Variants in SEMA3C observed in about 807,000 individuals in gnomAD.
SEMA3C encodes the protein semaphorin 3C.
SEMA3C carries 47 observed loss-of-function variants against 89.4 expected under a neutral mutation model. The ratio of observed to expected loss-of-function variants is 0.53; its 90% CI spans 0.42 to 0.67. SEMA3C has a LOEUF of 0.67. Ranked by LOEUF, SEMA3C falls within the 30% of genes least tolerant of loss-of-function variation. The probability of loss-of-function intolerance (pLI) is 0.00; values close to 1 mark genes in which losing one functional copy is unlikely to be tolerated. For synonymous variants in SEMA3C, 310 were observed against 320.2 expected, an observed-to-expected ratio of 0.97 and a Z score of 0.34; for missense variants, 839 against 929.1, an observed-to-expected ratio of 0.90 and a Z score of 1.26.
chr7:80,878,899 G>T (rs1158084521), intron 2 of SEMA3C, among the ~76,000 whole-genome samples: 1 of 152,030 alleles, frequency 6.6e-6, no homozygotes, highest in African/African-American at 2.4e-5. Context: ...TTGTTATAGA[G>T]GTAGGAAATG....
chr7:80,857,824 T>G (rs2115971953), intron 2 of SEMA3C, among the ~76,000 whole-genome samples: 1 of 152,246 alleles, frequency 6.6e-6, no homozygotes, highest in Admixed American at 6.5e-5. Context: ...ACCAAGAATT[T>G]TTACTAGCTC....
At chr7:80,810,522 C>A in intron 6 of SEMA3C, 89 bp downstream of exon 6, 3 of 945,912 alleles carry the variant, frequency 3.2e-6, no homozygotes, top group Non-Finnish European at 5.0e-6. Context: ...TACTATCATC[C>A]ACACAACCAT....
chr7:80,744,847 A>C lies in SEMA3C; in HGVS notation c.*47T>G. ...TCTTTGCTCAAAATTTGATCATTGA[A>C]GACAGAGCATTTGTTAATGGAAGCA... is the stretch of plus-strand genomic sequence containing the variant. On this transcript the variant is annotated 3_prime_UTR_variant, in exon 18 of 18. Coordinates refer to ENST00000265361, the MANE Select transcript of SEMA3C (RefSeq NM_006379.5). The C allele has an allele frequency of 6.2e-7, 1 of 1,601,696 alleles. No individual in the cohort carries two copies. The highest frequency in any genetic ancestry group is 8.5e-7 in the Non-Finnish European group (1 of 1,170,116).
At chr7:80,888,931 T>A (rs915271402) in intron 2 of SEMA3C, among the ~76,000 whole-genome samples, 45 of 152,318 alleles carry the variant, frequency 3.0e-4, no homozygotes, top group African/African-American at 9.9e-4. Context: ...GGGCGCGATC[T>A]CTGCTCACTG....
At chr7:80,843,566 T>A (rs866973661) in intron 2 of SEMA3C, among the ~76,000 whole-genome samples, 6 of 152,120 alleles carry the variant, frequency 3.9e-5, no homozygotes, top group Non-Finnish European at 7.4e-5. Flanking sequence ...ATTGTGCTAA[T>A]TGAATGAGAA....
At chr7:80,920,718 G>T (rs931167107), upstream of SEMA3C, among the ~76,000 whole-genome samples, 9 of 152,198 alleles carry the variant, frequency 5.9e-5, no homozygotes, top group African/African-American at 1.4e-4. Flanking sequence ...TGATGCGTGA[G>T]AAGATCCTTG....
At chr7:80,835,683 T>A (rs1030429558) in intron 2 of SEMA3C, among the ~76,000 whole-genome samples, 1 of 152,302 alleles carries the variant, frequency 6.6e-6, no homozygotes, top group East Asian at 1.9e-4. Flanking sequence ...CCAGAGGGCA[T>A]GTTATTAAAA....
chr7:80,808,658 C>T (rs1027458723), intron 6 of SEMA3C, among the ~76,000 whole-genome samples: 7 of 151,970 alleles, frequency 4.6e-5, no homozygotes, highest in Non-Finnish European at 2.9e-5. Flanking sequence ...TTATTTTTTA[C>T]CTGTTCTATG....
chr7:80,761,638 G>T lies in SEMA3C; in HGVS notation c.1463C>A (p.Thr488Lys). 1 of 1,337,680 alleles carries T rather than the reference G, an allele frequency of 7.5e-7. No homozygotes were observed. The highest frequency in any genetic ancestry group is 1.0e-6 in the Non-Finnish European group (1 of 969,114). 82.9% of individuals were successfully genotyped at this position (1,337,680 alleles called of 1,614,324 possible). ...EVFKNHAPIT[T>K]MKISSKKQQL... is the part of the protein sequence containing the mutation. ...TACCTTTTTAGATGAAATTTTCATT[G>T]TTGTTATAGGAGCATGATTCTAAAA... The change falls in exon 14 of 18, where the codon ACA becomes AAA. Residue 488 changes from threonine to lysine, a missense_variant. By Grantham distance (78) the Thr-to-Lys change is moderately conservative. Coordinates refer to ENST00000265361, the MANE Select transcript of SEMA3C (RefSeq NM_006379.5).
At chr7:80,761,931 A>G (rs968011514) in intron 13 of SEMA3C, among the ~76,000 whole-genome samples, 2 of 151,930 alleles carry the variant, frequency 1.3e-5, no homozygotes, top group Non-Finnish European at 2.9e-5. Context: ...TCTACTAAAA[A>G]TACAAAAATT....
chr7:80,849,520 A>G (rs554067510), intron 2 of SEMA3C, among the ~76,000 whole-genome samples: 1 of 152,330 alleles, frequency 6.6e-6, no homozygotes, highest in East Asian at 1.9e-4. Flanking sequence ...GCATTAATGA[A>G]TATATTAGAT....
At chr7:80,916,088 C>T (rs1253361213) in intron 2 of SEMA3C, among the ~76,000 whole-genome samples, 1 of 152,168 alleles carries the variant, frequency 6.6e-6, no homozygotes, top group Admixed American at 6.5e-5. Flanking sequence ...ACACCCATTT[C>T]CCTAAGCTTC....
intron 12 of SEMA3C, among the ~76,000 whole-genome samples, chr7:80,765,566 TG>T (rs1240425698): frequency 2.9e-5 from 4 of 140,334 alleles, no homozygotes; most frequent in African/African-American, 1.2e-4. Context: ...AAGTTTTTTT[TG>T]TTTTGTTTTG....
chr7:80,854,818 C>T (rs1412416218), intron 2 of SEMA3C, among the ~76,000 whole-genome samples: 1 of 152,168 alleles, frequency 6.6e-6, no homozygotes, highest in African/African-American at 2.4e-5. Context: ...CTACCAATAA[C>T]ATTGTTTTCT....
At chr7:80,762,654 T>C (rs576016480) in intron 13 of SEMA3C, among the ~76,000 whole-genome samples, 2 of 152,178 alleles carry the variant, frequency 1.3e-5, no homozygotes, top group East Asian at 1.9e-4. Flanking sequence ...ACCCTGTCTC[T>C]ACTACAAAAT....
chr7:80,914,788 A>G (rs1454972706), intron 2 of SEMA3C, among the ~76,000 whole-genome samples: 3 of 149,896 alleles, frequency 2.0e-5, no homozygotes, highest in Non-Finnish European at 4.4e-5. Flanking sequence ...ATCTGTTTTA[A>G]GTTTGAGTGC....
At chr7:80,836,810 C>A (rs991532613) in intron 2 of SEMA3C, among the ~76,000 whole-genome samples, 1 of 152,152 alleles carries the variant, frequency 6.6e-6, no homozygotes, top group African/African-American at 2.4e-5. Flanking sequence ...CAATGATTCT[C>A]GCCCTGGTTT....
intron 2 of SEMA3C, among the ~76,000 whole-genome samples, chr7:80,862,404 A>T (rs13241109): frequency 1.3e-5 from 2 of 152,192 alleles, no homozygotes; most frequent in Non-Finnish European, 2.9e-5. Context: ...AGACCTCTAC[A>T]AGGAAAACTA....
At chr7:80,808,703 T>TA (rs904580389) in intron 6 of SEMA3C, among the ~76,000 whole-genome samples, 3 of 151,910 alleles carry the variant, frequency 2.0e-5, no homozygotes, top group Admixed American at 6.6e-5. Context: ...GGCAATACAT[T>TA]AAAAAAAAGC....
Sources: allele counts gnomAD v4.1 joint callset (sites outside exome capture counted in the v4.1 genomes callset), GRCh38; gene constraint gnomAD v4.1.1; transcripts MANE v1.5; gene names NCBI Gene and HGNC (gene_info 2026-07-23, HGNC 2026-07-21).